CRKL: variants seen among roughly 807,000 people sequenced by gnomAD.
The protein encoded by CRKL is CRK like proto-oncogene, adaptor protein.
A neutral mutation model predicts 23.0 loss-of-function variants in CRKL; 3 were observed. The ratio of observed to expected loss-of-function variants is 0.13; its 90% CI spans 0.06 to 0.34. CRKL has a LOEUF of 0.34. Ranked by LOEUF, CRKL falls within the 10% of genes least tolerant of loss-of-function variation. The probability of loss-of-function intolerance (pLI) is 1.00; values close to 1 mark genes in which losing one functional copy is unlikely to be tolerated. For missense variants in CRKL, 256 were observed against 394.5 expected, an observed-to-expected ratio of 0.65 and a Z score of 2.97; for synonymous variants, 188 against 160.7, an observed-to-expected ratio of 1.17 and a Z score of -1.28.
intron 2 of CRKL, among the ~76,000 whole-genome samples, chr22:20,945,037 G>A (rs1034094960): frequency 2.7e-5 from 4 of 149,848 alleles, no homozygotes; most frequent in South Asian, 4.2e-4. Context: ...TCTATCACCC[G>A]GGCTGGAGTG....
At chr22:20,945,103 CCTGACTCAGCCTCCCAAGTAG>C (rs1922011571) in intron 2 of CRKL, among the ~76,000 whole-genome samples, 1 of 151,486 alleles carries the variant, frequency 6.6e-6, no homozygotes, top group South Asian at 2.1e-4. Flanking sequence ...ACGCCATTCT[CCTGACTCAGCCTCCCAAGTAG>C]CTGGGACTAC....
chr22:20,921,500 C>T (rs1220244410), intron 1 of CRKL, among the ~76,000 whole-genome samples: 1 of 48,054 alleles, frequency 2.1e-5, no homozygotes, highest in African/African-American at 5.9e-5. Flanking sequence ...AAATAAAGTA[C>T]TAGTAAGATC....
At chr22:20,932,793 A>G (rs1261790270) in intron 1 of CRKL, among the ~76,000 whole-genome samples, 1 of 152,144 alleles carries the variant, frequency 6.6e-6, no homozygotes, top group Admixed American at 6.6e-5. Context: ...AAAGGAAAAT[A>G]AAGCCAGGCG....
intron 1 of CRKL, among the ~76,000 whole-genome samples, chr22:20,929,188 G>A (rs190625098): frequency 9.9e-5 from 15 of 152,038 alleles, no homozygotes; most frequent in Non-Finnish European, 1.6e-4. Context: ...TTTTTGAGTC[G>A]GAGTCTCACT....
At chr22:20,938,382 G>C (rs1274352323) in intron 2 of CRKL, among the ~76,000 whole-genome samples, 8 of 152,102 alleles carry the variant, frequency 5.3e-5, no homozygotes, top group African/African-American at 1.7e-4. Flanking sequence ...GATTTGATTT[G>C]AAGGGGAATA....
intron 1 of CRKL, among the ~76,000 whole-genome samples, chr22:20,922,760 C>T (rs566490916): frequency 9.2e-5 from 14 of 152,166 alleles, no homozygotes; most frequent in East Asian, 7.7e-4. Context: ...CTGCCACCTC[C>T]GCCTCTGGGG....
At chr22:20,927,138 AAT>A (rs1921243044) in intron 1 of CRKL, among the ~76,000 whole-genome samples, 4 of 133,826 alleles carry the variant, frequency 3.0e-5, no homozygotes, top group African/African-American at 8.2e-5. Flanking sequence ...AAAAAAAAAG[AAT>A]GGTGGTTAAA....
chr22:20,922,526 G>A (rs1252697059), intron 1 of CRKL, among the ~76,000 whole-genome samples: 1 of 152,106 alleles, frequency 6.6e-6, no homozygotes, highest in African/African-American at 2.4e-5. Flanking sequence ...ACTTGGAGAT[G>A]CCTATTTTGG....
intron 1 of CRKL, among the ~76,000 whole-genome samples, chr22:20,924,766 G>T (rs376933711): frequency 2.0e-5 from 3 of 152,296 alleles, no homozygotes; most frequent in Non-Finnish European, 4.4e-5. Context: ...CTTGAACCTG[G>T]GGGGTGGAAG....
chr22:20,917,995 C>G lies in CRKL; in HGVS notation c.61C>G (p.Arg21Gly), dbSNP rs2147891398. The G allele has an allele frequency of 6.2e-7, 1 of 1,614,180 alleles. No individual in the cohort carries two copies. The highest frequency in any genetic ancestry group is 8.5e-7 in the Non-Finnish European group (1 of 1,180,032). Reference sequence around the variant, plus strand: ...CGCCTGGTATATGGGGCCGGTGTCTCGCCAGGAGGCGCAGACCCGGCTCCA... The same window carrying G: ...CGCCTGGTATATGGGGCCGGTGTCTGGCCAGGAGGCGCAGACCCGGCTCCA... ...RSAWYMGPVS[R>G]QEAQTRLQGQ... The change falls in exon 1 of 3, where the codon CGC (arginine) becomes GGC (glycine). Residue 21 changes from arginine to glycine, a missense_variant. By Grantham distance (125) the Arg-to-Gly change is moderately radical. This residue lies in a region of CRKL where 85 missense variants were observed against 139.8 expected (regional missense o/e 0.61). Coordinates refer to ENST00000354336, the MANE Select transcript of CRKL (RefSeq NM_005207.4).
intron 1 of CRKL, among the ~76,000 whole-genome samples, chr22:20,931,211 GC>G (rs1921439860): frequency 1.3e-5 from 2 of 152,092 alleles, no homozygotes; most frequent in Non-Finnish European, 2.9e-5. Context: ...TTCAAGACAA[GC>G]CCTGAAAACA....
intron 1 of CRKL, among the ~76,000 whole-genome samples, chr22:20,930,680 CTTTTTTTTTTTTTTTT>C (rs151090592): frequency 2.1e-5 from 1 of 48,018 alleles, no homozygotes; most frequent in Non-Finnish European, 3.5e-5. Context: ...ACACGCCTGG[CTTTTTTTTTTTTTTTT>C]TTTTTTTTTT....
intron 1 of CRKL, among the ~76,000 whole-genome samples, chr22:20,930,767 G>A (rs544584206): frequency 2.8e-4 from 35 of 123,730 alleles, no homozygotes; most frequent in African/African-American, 1.0e-3. Context: ...TGCAAGCTCC[G>A]CCTCCCGGGT....
At chr22:20,929,914 G>A (rs929513152) in intron 1 of CRKL, among the ~76,000 whole-genome samples, 2 of 152,158 alleles carry the variant, frequency 1.3e-5, no homozygotes, top group Admixed American at 6.6e-5. Flanking sequence ...TATCTGACAT[G>A]GAGCAACATG....
intron 1 of CRKL, among the ~76,000 whole-genome samples, chr22:20,920,836 A>G (rs1920984804): frequency 6.6e-6 from 1 of 152,046 alleles, no homozygotes; most frequent in African/African-American, 2.4e-5. Context: ...GTCCCCTCAC[A>G]GATTATAGGG....
At chr22:20,925,521 C>T (rs867664964) in intron 1 of CRKL, among the ~76,000 whole-genome samples, 6 of 152,106 alleles carry the variant, frequency 3.9e-5, no homozygotes, top group African/African-American at 1.4e-4. Flanking sequence ...TCTCGGAAAA[C>T]AAAAAACAAA....
rs925283026 is a variant in CRKL, at chr22:20,918,114, C to T, written c.180C>T (p.His60=). 1 of 1,614,208 alleles carries T rather than the reference C, an allele frequency of 6.2e-7. No homozygotes were observed. The change falls in exon 1 of 3, where the codon CAC becomes CAT. Residue 60 remains histidine (H), a synonymous_variant. Transcript: ENST00000354336. ...LSVSENSRVS[H]YIINSLPNRR... Reference sequence around the variant, plus strand: ...TGTCCGAGAACTCGCGGGTCTCCCACTACATCATCAACTCGCTGCCCAACC... The same window carrying T: ...TGTCCGAGAACTCGCGGGTCTCCCATTACATCATCAACTCGCTGCCCAACC...
chr22:20,941,743 G>T (rs953771141), intron 2 of CRKL, among the ~76,000 whole-genome samples: 2 of 150,714 alleles, frequency 1.3e-5, no homozygotes, highest in Non-Finnish European at 3.0e-5. Flanking sequence ...ACAGGTGCCC[G>T]CCACCAGGCC....
At chr22:20,926,039 G>A (rs185746121) in intron 1 of CRKL, among the ~76,000 whole-genome samples, 126 of 152,322 alleles carry the variant, frequency 8.3e-4, no homozygotes, top group African/African-American at 2.8e-3. Context: ...GAGGTGGGGA[G>A]AGGCTTGAAA....
Sources: allele counts gnomAD v4.1 joint callset (sites outside exome capture counted in the v4.1 genomes callset), GRCh38; gene constraint gnomAD v4.1.1; regional missense constraint gnomAD v4.1.1; transcripts MANE v1.5; gene names NCBI Gene and HGNC (gene_info 2026-07-23, HGNC 2026-07-21).